EHMT1: variants seen among roughly 807,000 people sequenced by gnomAD.
EHMT1 encodes histone-lysine N-methyltransferase EHMT1.
Under a neutral mutation model 147.2 loss-of-function variants are expected in EHMT1, and 15 were observed. That is an observed-to-expected ratio of 0.10 (90% CI 0.07 to 0.16). The LOEUF (loss-of-function observed/expected upper bound fraction) is 0.16. Among genes scored for constraint, EHMT1 ranks in the 10% least tolerant of loss-of-function variants. The probability of loss-of-function intolerance (pLI) is 1.00; values close to 1 mark genes in which losing one functional copy is unlikely to be tolerated. For synonymous variants in EHMT1, 795 were observed against 709.6 expected, an observed-to-expected ratio of 1.12 and a Z score of -1.91; for missense variants, 1,587 against 1,772.4, an observed-to-expected ratio of 0.90 and a Z score of 1.88.
At chr9:137,742,938 G>A (rs1564674276) in intron 4 of EHMT1, 5 of 271,866 alleles carry the variant, frequency 1.8e-5, no homozygotes, top group African/African-American at 4.5e-5. Flanking sequence ...TTCCTGCTCC[G>A]CGCTGCGTCC....
intron 1 of EHMT1, among the ~76,000 whole-genome samples, chr9:137,668,078 C>T (rs1377735273): frequency 6.6e-6 from 1 of 152,048 alleles, no homozygotes; most frequent in Non-Finnish European, 1.5e-5. Context: ...TTCTTCCTTT[C>T]GACCTTGGAG....
Position 137,813,386 on chromosome 9 carries a change from G to A in EHMT1, c.3036G>A (p.Arg1012=), listed in dbSNP as rs886063738. ...RPSPVERIVS[R]DIARGYERIP... The stretch of plus-strand genomic sequence containing the variant: ...GTGACACCTGTCCTTTCCATGGCAG[G>A]GACATCGCTCGAGGCTACGAGCGCA... The change falls in exon 21 of 27, where the codon AGG becomes AGA. Residue 1012 remains arginine, a splice_region_variant and synonymous_variant. Coordinates refer to ENST00000460843, the MANE Select transcript of EHMT1 (RefSeq NM_024757.5). This position sits in a 1 kb window ranked among gnomAD's most constrained non-coding sequence, Gnocchi z 4.9. 1 of 1,610,378 alleles carries A rather than the reference G, an allele frequency of 6.2e-7. No individual in the cohort carries two copies. The highest frequency in any genetic ancestry group is 1.3e-5 in the African/African-American group (1 of 74,860).
intron 16 of EHMT1, among the ~76,000 whole-genome samples, chr9:137,796,377 C>T (rs1952944385): frequency 1.3e-5 from 2 of 152,210 alleles, no homozygotes; most frequent in South Asian, 4.1e-4. Context: ...TTTTGCAATG[C>T]ATCGGCCAAA....
chr9:137,665,752 C>G (rs1285964727), intron 1 of EHMT1, among the ~76,000 whole-genome samples: 5 of 152,184 alleles, frequency 3.3e-5, no homozygotes, highest in Non-Finnish European at 7.3e-5. Context: ...CAATAAATGT[C>G]TCGTTAAATG....
intron 1 of EHMT1, among the ~76,000 whole-genome samples, chr9:137,707,038 T>TG (rs1944327645): frequency 6.6e-6 from 1 of 152,248 alleles, no homozygotes; most frequent in African/African-American, 2.4e-5. Flanking sequence ...TTGGCCAGAC[T>TG]GGTCTCCAAC....
intron 10 of EHMT1, among the ~76,000 whole-genome samples, chr9:137,767,384 A>G (rs1381876325): frequency 2.9e-4 from 44 of 152,236 alleles, no homozygotes. Flanking sequence ...TACCGTATCT[A>G]TGAAGGTGGT....
intron 16 of EHMT1, chr9:137,795,105 A>G (rs970136615): frequency 2.6e-5 from 4 of 152,186 alleles, no homozygotes; most frequent in Non-Finnish European, 4.4e-5. Context: ...GACTTCTTCA[A>G]GCATTGAAGC....
At chr9:137,691,418 T>C (rs1196763385) in intron 1 of EHMT1, among the ~76,000 whole-genome samples, 1 of 151,876 alleles carries the variant, frequency 6.6e-6, no homozygotes, top group East Asian at 1.9e-4. Context: ...GCTCAAGTGA[T>C]CTGCCCGCCT....
At chr9:137,640,723 G>C (rs1458899700) in intron 1 of EHMT1, among the ~76,000 whole-genome samples, 1 of 152,232 alleles carries the variant, frequency 6.6e-6, no homozygotes, top group Non-Finnish European at 1.5e-5. Context: ...GCAGAAAGTT[G>C]TTCTTTTTTC....
At chr9:137,644,360 G>A (rs1048110742) in intron 1 of EHMT1, among the ~76,000 whole-genome samples, 3 of 148,824 alleles carry the variant, frequency 2.0e-5, no homozygotes, top group African/African-American at 7.4e-5. Context: ...AGTCTCATTT[G>A]GTTGCCCAGG....
intron 1 of EHMT1, among the ~76,000 whole-genome samples, chr9:137,648,259 A>C (rs925654273): frequency 5.3e-5 from 8 of 152,274 alleles, no homozygotes; most frequent in African/African-American, 1.4e-4. Context: ...AAATCTGAAC[A>C]CCTAGATGAA....
At chr9:137,729,518 C>T (rs1946916525) in intron 4 of EHMT1, among the ~76,000 whole-genome samples, 1 of 151,624 alleles carries the variant, frequency 6.6e-6, no homozygotes, top group Admixed American at 6.6e-5. Context: ...ACCCGGGAGG[C>T]GGAGGTTGCT....
At chr9:137,808,437 C>A (rs1954133345) in intron 18 of EHMT1, among the ~76,000 whole-genome samples, 4 of 152,150 alleles carry the variant, frequency 2.6e-5, no homozygotes. Context: ...GGTGTCTTGA[C>A]AACCATGGTC....
rs1228720576 is a variant in EHMT1 at position 137,776,604 on chromosome 9, C to A, written c.1792-14C>A. The A allele has an allele frequency of 6.2e-7, 1 of 1,612,416 alleles. No homozygotes were observed. Among genetic ancestry groups the A allele is most frequent in the Non-Finnish European group, 8.5e-7 (1 of 1,179,488 alleles). Reference sequence around the variant, plus strand: ...AATTAAAACAAAAATTTTTTTTTGTCCTCCCATTTTTAGGGTAATTTTATG... The same window carrying A: ...AATTAAAACAAAAATTTTTTTTTGTACTCCCATTTTTAGGGTAATTTTATG... On this transcript the variant is annotated splice_polypyrimidine_tract_variant and intron_variant, in intron 11 of 26. Transcript: ENST00000460843. This position sits in a 1 kb window ranked among gnomAD's most constrained non-coding sequence, Gnocchi z 4.4.
chr9:137,800,557 G>A (rs913227242), intron 17 of EHMT1: 14 of 402,102 alleles, frequency 3.5e-5, no homozygotes, highest in South Asian at 7.4e-5. Flanking sequence ...CATTAGACTC[G>A]TTGCACGCAG....
At chr9:137,745,321 G>T (rs1366167156) in intron 6 of EHMT1, among the ~76,000 whole-genome samples, 1 of 152,036 alleles carries the variant, frequency 6.6e-6, no homozygotes, top group East Asian at 1.9e-4. Context: ...TACATTTTTA[G>T]CATGTTTTAG....
intron 9 of EHMT1, among the ~76,000 whole-genome samples, chr9:137,762,368 CA>C (rs1564713270): frequency 6.6e-6 from 1 of 152,032 alleles, no homozygotes; most frequent in Non-Finnish European, 1.5e-5. Context: ...GAGCTACTGC[CA>C]GAGGTACCAG....
At chr9:137,627,658 T>A (rs1843354648) in intron 1 of EHMT1, among the ~76,000 whole-genome samples, 1 of 151,924 alleles carries the variant, frequency 6.6e-6, no homozygotes, top group Non-Finnish European at 1.5e-5. Context: ...GGTTTGGTTT[T>A]CTTGAAGGAT....
At chr9:137,760,825 C>A (rs908960188) in intron 9 of EHMT1, among the ~76,000 whole-genome samples, 1 of 152,112 alleles carries the variant, frequency 6.6e-6, no homozygotes, top group African/African-American at 2.4e-5. Context: ...CTGGCTAACA[C>A]AGTGAAACCC....
Sources: allele counts gnomAD v4.1 joint callset (sites outside exome capture counted in the v4.1 genomes callset), GRCh38; gene constraint gnomAD v4.1.1; non-coding constraint Gnocchi (gnomAD v3.1); transcripts MANE v1.5; gene names NCBI Gene and HGNC (gene_info 2026-07-23, HGNC 2026-07-21).